Variants in RPTOR observed in about 807,000 individuals in gnomAD.
The protein encoded by RPTOR is regulatory associated protein of MTOR complex 1, also known as regulatory-associated protein of mTOR.
A neutral mutation model predicts 169.9 loss-of-function variants in RPTOR; 21 were observed. The ratio of observed to expected loss-of-function variants is 0.12; its 90% confidence interval spans 0.09 to 0.18. The LOEUF (loss-of-function observed/expected upper bound fraction) is 0.18, where lower values mean the gene tolerates loss of function less well. RPTOR is among the 10% of genes least tolerant of loss of function. RPTOR has a pLI of 1.00. For missense variants in RPTOR, 1,133 were observed against 1,855.9 expected (o/e 0.61, Z 7.16); for synonymous variants, 732 against 753.2 (o/e 0.97, Z 0.46).
chr17:80,843,166 T>A (rs533940180), intron 10 of RPTOR, among the ~76,000 whole-genome samples: 3 of 152,352 alleles, frequency 2.0e-5, no homozygotes, highest in South Asian at 4.1e-4. Flanking sequence ...TTACAGTTAA[T>A]CTACAGATTG....
rs574149747 is a variant in RPTOR at position 80,884,336 on chromosome 17, C to T, written c.1842+364C>T. Among the ~76,000 whole-genome samples, 11 of 152,326 alleles carry T rather than the reference C, an allele frequency of 7.2e-5. No individual in the cohort carries two copies. In the East Asian group the frequency reaches 1.9e-3, roughly 27 times the overall value. ...CGGGCAAGGAGTCAGGCCAGTGGCT[C>T]GTGCCTGGTGCAGCTGGGAAAGGTG... is the stretch of plus-strand genomic sequence containing the variant. On this transcript the variant is annotated intron_variant, in intron 16 of 33. Coordinates refer to ENST00000306801, the MANE Select transcript of RPTOR (RefSeq NM_020761.3).
chr17:80,702,409 T>A (rs2066108774), intron 3 of RPTOR, among the ~76,000 whole-genome samples: 2 of 152,332 alleles, frequency 1.3e-5, no homozygotes, highest in Middle Eastern at 3.4e-3. Context: ...TCATTTTATA[T>A]GTCCAGCAGA....
At chr17:80,560,986 A>G (rs968683121) in intron 1 of RPTOR, among the ~76,000 whole-genome samples, 12 of 152,312 alleles carry the variant, frequency 7.9e-5, no homozygotes, top group Admixed American at 5.9e-4. Context: ...TGACCGGCTT[A>G]TAAGGCCACA....
intron 1 of RPTOR, among the ~76,000 whole-genome samples, chr17:80,584,718 A>G (rs1379874943): frequency 6.6e-6 from 1 of 152,210 alleles, no homozygotes; most frequent in East Asian, 1.9e-4. Context: ...GTCCGGATGG[A>G]ACGTGGACGC....
chr17:80,962,442 T>A lies in RPTOR; in HGVS notation c.3693-19T>A. ...TGGGGCCTCCGGGAGGAGGTGTCACTGTGACCCTCTCTTGGCAGCGTCAAT... is the reference window on the plus strand; with the variant it reads ...TGGGGCCTCCGGGAGGAGGTGTCACAGTGACCCTCTCTTGGCAGCGTCAAT... On this transcript the variant is annotated intron_variant, in intron 31 of 33. Coordinates refer to ENST00000306801, the MANE Select transcript of RPTOR (RefSeq NM_020761.3). 6.2e-7 allele frequency: 1 copy of A among 1,606,510 alleles called. No individual in the cohort carries two copies. The highest frequency in any genetic ancestry group is 8.5e-7 in the Non-Finnish European group (1 of 1,173,782).
At chr17:80,583,967 T>G (rs1166471910) in intron 1 of RPTOR, among the ~76,000 whole-genome samples, 3 of 152,182 alleles carry the variant, frequency 2.0e-5, no homozygotes, top group African/African-American at 2.4e-5. Context: ...CCTCCTGTCC[T>G]CGGGCAGCTG....
At chr17:80,883,652 A>G in intron 15 of RPTOR, 129 bp from the exon 16 acceptor site, 2 of 1,244,702 alleles carry the variant, frequency 1.6e-6, no homozygotes, top group African/African-American at 1.5e-5. Flanking sequence ...AGAGGAATCT[A>G]AAATGGGGAA....
At position 80,966,341 on chromosome 17, in the gene RPTOR, GT is replaced by G. The variant is rs2069432614; in HGVS notation, c.*2012del. 1.3e-5 allele frequency: 3 copies of G among 229,546 alleles called. No homozygotes were observed. Among genetic ancestry groups the G allele is most frequent in the Admixed American group, 1.1e-4 (2 of 17,630 alleles). 14.2% of individuals were successfully genotyped at this position (229,546 alleles called of 1,614,324 possible). On this transcript the variant is annotated 3_prime_UTR_variant, in exon 34 of 34. Transcript: ENST00000306801. ...GGTAATGTGAAGCTAAGAGCAGAGA[GT>G]GACCAACAGTAAACAACACGCGCAG... is the stretch of plus-strand genomic sequence containing the variant.
intron 6 of RPTOR, among the ~76,000 whole-genome samples, chr17:80,786,572 T>A (rs562939979): frequency 6.6e-6 from 1 of 152,354 alleles, no homozygotes; most frequent in South Asian, 2.1e-4. Flanking sequence ...CACTGCCATG[T>A]GGCTGGATAC....
rs556495597 is a variant in RPTOR at position 80,554,000 on chromosome 17, C to T, written c.162+8209C>T. ...CAGGTGATCCACCTGCCTTGGCCTCCTAAAGTGCTGGGATTACAGGGGTCA... is the reference window on the plus strand; with the variant it reads ...CAGGTGATCCACCTGCCTTGGCCTCTTAAAGTGCTGGGATTACAGGGGTCA... On this transcript the variant is annotated intron_variant, in intron 1 of 33. Coordinates refer to ENST00000306801, the MANE Select transcript of RPTOR (RefSeq NM_020761.3). Among the ~76,000 whole-genome samples, 116 of 152,226 alleles carry T rather than the reference C, an allele frequency of 7.6e-4. 1 individual carries two copies. Among genetic ancestry groups the T allele is most frequent in the African/African-American group, 2.8e-3 (115 of 41,534 alleles).
intron 31 of RPTOR, 143 bp from the exon 32 acceptor site, chr17:80,962,318 G>A (rs566242088): frequency 1.7e-5 from 12 of 687,184 alleles, no homozygotes; most frequent in Admixed American, 7.1e-5. Context: ...CACTGGGGAC[G>A]CTGAGCATCC....
intron 6 of RPTOR, among the ~76,000 whole-genome samples, chr17:80,779,382 C>T (rs530849740): frequency 5.3e-5 from 8 of 152,314 alleles, no homozygotes; most frequent in Non-Finnish European, 8.8e-5. Context: ...GTGGCGCCTC[C>T]GTGGCTTTCT....
intron 6 of RPTOR, among the ~76,000 whole-genome samples, chr17:80,773,323 T>C (rs758512928): frequency 2.0e-5 from 3 of 152,232 alleles, no homozygotes; most frequent in Non-Finnish European, 2.9e-5. Flanking sequence ...GACTCTGCAG[T>C]TGCAGCTACA....
At chr17:80,963,356 G>A (rs1453196766) in intron 33 of RPTOR, among the ~76,000 whole-genome samples, 1 of 152,026 alleles carries the variant, frequency 6.6e-6, no homozygotes, top group Non-Finnish European at 1.5e-5. Flanking sequence ...ACCTCCAGGA[G>A]AGTCGCTCGG....
chr17:80,874,930 C>T (rs767774257), intron 13 of RPTOR, among the ~76,000 whole-genome samples: 5 of 152,196 alleles, frequency 3.3e-5, no homozygotes, highest in Non-Finnish European at 7.3e-5. Flanking sequence ...AAACACGGCC[C>T]GTATCTCTGT....
At chr17:80,955,469 C>T (rs1397933376) in intron 28 of RPTOR, among the ~76,000 whole-genome samples, 1 of 152,150 alleles carries the variant, frequency 6.6e-6, no homozygotes, top group Non-Finnish European at 1.5e-5. Flanking sequence ...AGAGAAAAAT[C>T]AAGAGGAAAT....
intron 6 of RPTOR, chr17:80,774,466 A>T (rs1007564286): frequency 1.6e-6 from 1 of 638,272 alleles, no homozygotes. Context: ...GTTACTGATG[A>T]GGTACCAGAT....
At chr17:80,786,934 C>G (rs1279587615) in intron 6 of RPTOR, among the ~76,000 whole-genome samples, 1 of 152,196 alleles carries the variant, frequency 6.6e-6, no homozygotes, top group Non-Finnish European at 1.5e-5. Flanking sequence ...CATATTTGGC[C>G]TCCTTTTAAG....
chr17:80,557,179 T>G (rs1020723994), intron 1 of RPTOR, among the ~76,000 whole-genome samples: 6 of 152,176 alleles, frequency 3.9e-5, no homozygotes, highest in African/African-American at 1.2e-4. Flanking sequence ...GTTCTAGAGC[T>G]AGAGTTTTAA....
Sources: gnomAD v4.1 joint callset for allele counts (sites outside exome capture counted in the v4.1 genomes callset) on GRCh38, gnomAD v4.1.1 for gene constraint, MANE v1.5 for transcripts, NCBI Gene and HGNC (gene_info 2026-07-23, HGNC 2026-07-21) for gene names.